The following IL1RAPL1 variants were observed in gnomAD, a reference collection of about 807,000 sequenced individuals.
IL1RAPL1 encodes interleukin 1 receptor accessory protein like 1, also known as interleukin-1 receptor accessory protein-like 1.
IL1RAPL1 carries 3 observed loss-of-function variants against 48.4 expected under a neutral mutation model. That is an observed-to-expected ratio of 0.06 (90% CI 0.03 to 0.16). IL1RAPL1 has a LOEUF of 0.16. Ranked by LOEUF, IL1RAPL1 falls within the 10% of genes least tolerant of loss-of-function variation. The pLI, the probability that IL1RAPL1 is intolerant of heterozygous loss-of-function variation, is 1.00. For synonymous variants in IL1RAPL1, 185 were observed against 187.7 expected, an observed-to-expected ratio of 0.99 and a Z score of 0.12; for missense variants, 349 against 530.6, an observed-to-expected ratio of 0.66 and a Z score of 3.36.
At chrX:29,901,534 TTCC>T (rs984317282) in intron 6 of IL1RAPL1, among the ~76,000 whole-genome samples, 3 of 112,032 alleles carry the variant, frequency 2.7e-5, no homozygotes, top group African/African-American at 9.7e-5. Context: ...ATTCTTTACT[TTCC>T]TCCTCCTTTC....
intron 3 of IL1RAPL1, among the ~76,000 whole-genome samples, chrX:29,285,524 C>CAAAAAAAAAAAAA (rs778913919): frequency 8.6e-5 from 1 of 11,569 alleles, no homozygotes; most frequent in Non-Finnish European, 1.3e-4. Flanking sequence ...AACTCCGTCT[C>CAAAAAAAAAAAAA]AAAAAAAAAA....
At chrX:29,318,729 T>C (rs1161987292) in intron 3 of IL1RAPL1, among the ~76,000 whole-genome samples, 1 of 112,494 alleles carries the variant, frequency 8.9e-6, no homozygotes, top group Non-Finnish European at 1.9e-5. Context: ...TCAGGGCTAA[T>C]CATAATATGA....
intron 2 of IL1RAPL1, among the ~76,000 whole-genome samples, chrX:29,123,005 T>TTTTA (rs201703450): frequency 0.15 from 15,479 of 101,629 alleles, 1,147 homozygotes; most frequent in East Asian, 0.35. Context: ...GAATAGCACG[T>TTTTA]TTTATTTATT....
At chrX:29,753,626 G>T (rs1928542215) in intron 6 of IL1RAPL1, among the ~76,000 whole-genome samples, 2 of 111,265 alleles carry the variant, frequency 1.8e-5, no homozygotes, top group African/African-American at 6.5e-5. Flanking sequence ...GTGTAAGGAT[G>T]ATTAAAAACT....
chrX:29,122,409 T>TCACACA lies in IL1RAPL1; in HGVS notation c.83-160495_83-160490dup, dbSNP rs59677285. ...CTCTCTCTCTCTTTCTCTCTCTCTC[T>TCACACA]CACACACACACACACACACACACAC... On this transcript the variant is annotated intron_variant, in intron 2 of 10. Transcript: ENST00000378993. 2.6e-3 allele frequency among the ~76,000 whole-genome samples: 170 copies of TCACACA among 64,590 alleles called. 3 individuals carry two copies. The highest frequency in any genetic ancestry group is 8.1e-3 in the African/African-American group (104 of 12,827). The allele number at this position is 64,590 out of a possible 115,157, so 56.1% of individuals were successfully genotyped here. A position where few individuals can be genotyped will look rare whatever the true frequency, so the allele number is the denominator to read the frequency against.
intron 1 of IL1RAPL1, among the ~76,000 whole-genome samples, chrX:28,667,257 C>T (rs1190517705): frequency 8.9e-6 from 1 of 112,059 alleles, no homozygotes; most frequent in Non-Finnish European, 1.9e-5. Flanking sequence ...CCTAGATTTA[C>T]AGCACCGTTA....
intron 2 of IL1RAPL1, among the ~76,000 whole-genome samples, chrX:29,095,830 C>T (rs1928202668): frequency 9.2e-6 from 1 of 108,940 alleles, no homozygotes; most frequent in Non-Finnish European, 1.9e-5. Context: ...AATTTAAGGG[C>T]CATGTGTTGT....
At chrX:28,666,894 G>T (rs1208843998) in intron 1 of IL1RAPL1, among the ~76,000 whole-genome samples, 1 of 111,437 alleles carries the variant, frequency 9.0e-6, no homozygotes, top group Non-Finnish European at 1.9e-5. Flanking sequence ...ATTGCACCAC[G>T]TATTGGGGGC....
intron 5 of IL1RAPL1, among the ~76,000 whole-genome samples, chrX:29,637,531 A>G (rs765933718): frequency 1.8e-5 from 2 of 111,552 alleles, no homozygotes; most frequent in South Asian, 3.7e-4. Context: ...GAAGGTATAT[A>G]TGTATGTTTT....
At chrX:29,212,033 C>T (rs1444031727) in intron 2 of IL1RAPL1, among the ~76,000 whole-genome samples, 2 of 111,291 alleles carry the variant, frequency 1.8e-5, no homozygotes, top group East Asian at 2.8e-4. Context: ...ACATCTCTAA[C>T]AGTAAGTCAG....
At chrX:29,042,395 G>A (rs985092912) in intron 2 of IL1RAPL1, among the ~76,000 whole-genome samples, 1 of 111,418 alleles carries the variant, frequency 9.0e-6, no homozygotes, top group Non-Finnish European at 1.9e-5. Flanking sequence ...ATGACTCCAA[G>A]GAACATTAAA....
At chrX:29,832,658 C>T (rs1164091781) in intron 6 of IL1RAPL1, among the ~76,000 whole-genome samples, 2 of 107,743 alleles carry the variant, frequency 1.9e-5, no homozygotes, top group Non-Finnish European at 3.8e-5. Context: ...TGTCCACAAG[C>T]TTTTTTTCCT....
At chrX:29,173,910 A>G (rs1485714959) in intron 2 of IL1RAPL1, among the ~76,000 whole-genome samples, 1 of 111,042 alleles carries the variant, frequency 9.0e-6, no homozygotes, top group Non-Finnish European at 1.9e-5. Flanking sequence ...ATAAAAATGA[A>G]CAATCAACAA....
chrX:28,889,803 C>T (rs1057462614), intron 2 of IL1RAPL1, among the ~76,000 whole-genome samples: 1 of 110,941 alleles, frequency 9.0e-6, no homozygotes, highest in Non-Finnish European at 1.9e-5. Flanking sequence ...TATCTGGTGA[C>T]GTCTGACTCC....
intron 6 of IL1RAPL1, among the ~76,000 whole-genome samples, chrX:29,727,814 A>T (rs1927813438): frequency 9.0e-6 from 1 of 111,459 alleles, no homozygotes; most frequent in East Asian, 2.8e-4. Context: ...TTCTCTTATA[A>T]ATTAGTATTG....
At chrX:29,743,789 T>A (rs905964210) in intron 6 of IL1RAPL1, among the ~76,000 whole-genome samples, 1 of 112,335 alleles carries the variant, frequency 8.9e-6, no homozygotes, top group Admixed American at 9.4e-5. Context: ...GGCCAAGGTC[T>A]TTCTCTTTTT....
chrX:29,909,406 G>A (rs1020053846), intron 6 of IL1RAPL1, among the ~76,000 whole-genome samples: 4 of 110,444 alleles, frequency 3.6e-5, no homozygotes, highest in African/African-American at 1.3e-4. Flanking sequence ...ACTCCAGCCT[G>A]AGCAACAGAG....
chrX:28,609,455 C>G (rs1308626593), intron 1 of IL1RAPL1, among the ~76,000 whole-genome samples: 1 of 110,275 alleles, frequency 9.1e-6, no homozygotes, highest in African/African-American at 3.3e-5. Context: ...TATACCTGAT[C>G]CTGTTGTTCT....
intron 2 of IL1RAPL1, among the ~76,000 whole-genome samples, chrX:29,156,818 C>T: frequency 9.0e-6 from 1 of 111,642 alleles, no homozygotes; most frequent in East Asian, 2.8e-4. Flanking sequence ...ACACATTTGA[C>T]ATACCACGTT....
Sources: allele counts gnomAD v4.1 joint callset (sites outside exome capture counted in the v4.1 genomes callset), GRCh38; gene constraint gnomAD v4.1.1; transcripts MANE v1.5; gene names NCBI Gene and HGNC (gene_info 2026-07-23, HGNC 2026-07-21).